Variants in MIPOL1 observed in about 807,000 individuals in gnomAD.
MIPOL1 encodes the protein mirror-image polydactyly 1, also known as mirror-image polydactyly gene 1 protein.
MIPOL1 carries 57 observed loss-of-function variants against 60.9 expected under a neutral mutation model. That is an observed-to-expected ratio of 0.94 (90% CI 0.76 to 1.17). The LOEUF is 1.17. MIPOL1 is among the 50% of genes most tolerant of loss of function. The pLI, the probability that MIPOL1 is intolerant of heterozygous loss-of-function variation, is 0.00. For synonymous variants in MIPOL1, 179 were observed against 168.8 expected (o/e 1.06, Z -0.47); for missense variants, 551 against 511.6 (o/e 1.08, Z -0.74).
intron 1 of MIPOL1, among the ~76,000 whole-genome samples, chr14:37,245,059 A>G (rs532122590): frequency 2.4e-3 from 360 of 152,302 alleles, no homozygotes; most frequent in Non-Finnish European, 4.3e-3. Flanking sequence ...GAGCTATAGG[A>G]TTCACAGGGA....
At chr14:37,383,626 A>G (rs2092987352) in intron 10 of MIPOL1, among the ~76,000 whole-genome samples, 1 of 151,906 alleles carries the variant, frequency 6.6e-6, no homozygotes, top group Non-Finnish European at 1.5e-5. Context: ...GTTTTTATCT[A>G]GATCTACAAG....
intron 11 of MIPOL1, among the ~76,000 whole-genome samples, chr14:37,431,532 T>A (rs1275217121): frequency 1.3e-5 from 2 of 149,924 alleles, no homozygotes; most frequent in African/African-American, 4.9e-5. Flanking sequence ...TAATGTAACG[T>A]TCATGAACTT....
At chr14:37,429,776 G>C (rs1412450530) in intron 11 of MIPOL1, among the ~76,000 whole-genome samples, 1 of 151,912 alleles carries the variant, frequency 6.6e-6, no homozygotes, top group African/African-American at 2.4e-5. Context: ...TTTGGTCTGT[G>C]TATATACTGT....
chr14:37,462,213 A>G (rs1594485131), intron 11 of MIPOL1, among the ~76,000 whole-genome samples: 1 of 152,246 alleles, frequency 6.6e-6, no homozygotes. Context: ...ACCACGTGGA[A>G]GCTGCCAAGG....
intron 9 of MIPOL1, among the ~76,000 whole-genome samples, chr14:37,329,787 A>G (rs1391596382): frequency 1.3e-5 from 2 of 152,188 alleles, no homozygotes; most frequent in East Asian, 1.9e-4. Context: ...AAATAGTATA[A>G]GAAACATCTC....
rs984658531 is a variant in MIPOL1 at position 37,480,031 on chromosome 14, G to C, written c.1032-19877G>C. On this transcript the variant is annotated intron_variant, in intron 11 of 12. Coordinates refer to ENST00000684589, the MANE Select transcript of MIPOL1 (RefSeq NM_001388067.1). ...ACAGACCAGTAATGACTATAAAGAG[G>C]TTAAATCAGAAATAAAAAAAATTTC... Among the ~76,000 whole-genome samples, 8 of 152,020 alleles carry C rather than the reference G, an allele frequency of 5.3e-5. No individual in the cohort carries two copies. In the South Asian group the frequency reaches 1.7e-3, roughly 32 times the overall value.
intron 1 of MIPOL1, among the ~76,000 whole-genome samples, chr14:37,199,585 C>A (rs755964554): frequency 6.6e-6 from 1 of 151,672 alleles, no homozygotes; most frequent in Non-Finnish European, 1.5e-5. Flanking sequence ...AGTGCAGTGG[C>A]GCGATCTCGG....
At chr14:37,466,199 G>A (rs1216858140) in intron 11 of MIPOL1, among the ~76,000 whole-genome samples, 1 of 152,162 alleles carries the variant, frequency 6.6e-6, no homozygotes, top group Admixed American at 6.5e-5. Context: ...AGTGAAAGGG[G>A]TTGGGTTGTT....
chr14:37,405,867 C>A (rs192956712), intron 10 of MIPOL1, among the ~76,000 whole-genome samples: 80 of 149,634 alleles, frequency 5.3e-4, no homozygotes, highest in Middle Eastern at 7.0e-3. Flanking sequence ...CCTTGTAAAA[C>A]AATATTGATT....
chr14:37,199,275 A>G (rs1964839054), intron 1 of MIPOL1, among the ~76,000 whole-genome samples: 1 of 152,188 alleles, frequency 6.6e-6, no homozygotes, highest in Admixed American at 6.5e-5. Flanking sequence ...TTCCAAAGGT[A>G]ATCATTATCT....
At chr14:37,449,390 A>G (rs1308077934) in intron 11 of MIPOL1, among the ~76,000 whole-genome samples, 4 of 152,230 alleles carry the variant, frequency 2.6e-5, no homozygotes, top group African/African-American at 9.6e-5. Context: ...TAGAAAACAT[A>G]TAAATCTGTA....
At chr14:37,369,305 A>C (rs1047492231) in intron 9 of MIPOL1, among the ~76,000 whole-genome samples, 4 of 152,072 alleles carry the variant, frequency 2.6e-5, no homozygotes, top group African/African-American at 9.7e-5. Context: ...CAGATTAATA[A>C]ACTAACTGAA....
At chr14:37,325,296 A>G (rs1369985533) in intron 9 of MIPOL1, among the ~76,000 whole-genome samples, 1 of 152,118 alleles carries the variant, frequency 6.6e-6, no homozygotes, top group Non-Finnish European at 1.5e-5. Context: ...GTTGACATAT[A>G]TTTTATATTC....
At chr14:37,424,534 C>G (rs1163351218) in intron 11 of MIPOL1, among the ~76,000 whole-genome samples, 2 of 152,196 alleles carry the variant, frequency 1.3e-5, no homozygotes, top group East Asian at 3.9e-4. Flanking sequence ...CACCTGATTC[C>G]AGACTTCTAT....
At chr14:37,493,941 C>T (rs916756526) in intron 11 of MIPOL1, among the ~76,000 whole-genome samples, 6 of 152,100 alleles carry the variant, frequency 3.9e-5, no homozygotes, top group East Asian at 1.9e-4. Flanking sequence ...ACTACTACTA[C>T]GCTGAAAATG....
intron 10 of MIPOL1, among the ~76,000 whole-genome samples, chr14:37,405,578 G>C (rs994848435): frequency 2.0e-5 from 3 of 151,894 alleles, no homozygotes; most frequent in African/African-American, 7.2e-5. Context: ...ATAATTTCTT[G>C]TTTATTTTTA....
At chr14:37,342,658 A>C (rs1004605309) in intron 9 of MIPOL1, among the ~76,000 whole-genome samples, 1 of 152,018 alleles carries the variant, frequency 6.6e-6, no homozygotes, top group Non-Finnish European at 1.5e-5. Context: ...AGCCTCCCAA[A>C]GTGCAGGGAT....
intron 12 of MIPOL1, among the ~76,000 whole-genome samples, chr14:37,540,227 T>C (rs1280885979): frequency 1.3e-5 from 2 of 152,202 alleles, no homozygotes; most frequent in East Asian, 1.9e-4. Context: ...GTATGACTTT[T>C]CAACCCATTT....
At chr14:37,380,871 T>C (rs2092906198) in intron 10 of MIPOL1, among the ~76,000 whole-genome samples, 1 of 152,142 alleles carries the variant, frequency 6.6e-6, no homozygotes, top group Admixed American at 6.6e-5. Flanking sequence ...AGTAGGAGGC[T>C]GAATTTTAGG....
Sources: gnomAD v4.1 joint callset for allele counts (sites outside exome capture counted in the v4.1 genomes callset) on GRCh38, gnomAD v4.1.1 for gene constraint, MANE v1.5 for transcripts, NCBI Gene and HGNC (gene_info 2026-07-23, HGNC 2026-07-21) for gene names.